The following KRT78 variants were observed in gnomAD, a reference collection of about 807,000 sequenced individuals.
The protein encoded by KRT78 is keratin, type II cytoskeletal 78.
A neutral mutation model predicts 51.4 loss-of-function variants in KRT78; 55 were observed. The observed-to-expected ratio is 1.07, with a 90% CI of 0.86 to 1.34. The LOEUF (loss-of-function observed/expected upper bound fraction) is 1.34, where lower values mean the gene tolerates loss of function less well. KRT78 is among the 40% of genes most tolerant of loss of function. The probability of loss-of-function intolerance (pLI) is 0.00; values close to 1 mark genes in which losing one functional copy is unlikely to be tolerated. For missense variants in KRT78, 652 were observed against 649.4 expected (o/e 1.00, Z -0.04); for synonymous variants, 291 against 264.3 (o/e 1.10, Z -0.98).
At chr12:52,846,660 T>C in intron 3 of KRT78, 104 bp downstream of exon 3, 1 of 1,023,730 alleles carries the variant, frequency 9.8e-7, no homozygotes, top group South Asian at 1.4e-5. Flanking sequence ...AGTGATAGCC[T>C]GTCCTAAATC....
chr12:52,848,275 ACT>A lies in KRT78; in HGVS notation c.385-156_385-155del, dbSNP rs1361218981. On this transcript the variant is annotated intron_variant, in intron 1 of 8. Coordinates refer to ENST00000304620, the MANE Select transcript of KRT78 (RefSeq NM_173352.4). ...GGGAAGCCTCATGACCTTCCATGACACTCTGAACACAACAAAATGACTGGACT... is the reference window on the plus strand; with the variant it reads ...GGGAAGCCTCATGACCTTCCATGACACTGAACACAACAAAATGACTGGACT... 10 of 1,538,544 alleles carry A rather than the reference ACT, an allele frequency of 6.5e-6. No individual in the cohort carries two copies. The East Asian group carries it at 9.8e-5, about 15-fold the overall frequency.
intron 4 of KRT78, chr12:52,845,863 G>T (rs993455335): frequency 5.1e-5 from 13 of 252,764 alleles, no homozygotes. Flanking sequence ...CTGAGGCAGA[G>T]AATTGCTTGA....
intron 4 of KRT78, among the ~76,000 whole-genome samples, chr12:52,844,942 T>A (rs573379396): frequency 2.6e-5 from 4 of 152,048 alleles, no homozygotes; most frequent in Non-Finnish European, 5.9e-5. Context: ...AGCTTGGACA[T>A]TAATGGAAAA....
chr12:52,840,900 T>C (rs1247646881), intron 6 of KRT78, among the ~76,000 whole-genome samples: 2 of 152,264 alleles, frequency 1.3e-5, no homozygotes, highest in African/African-American at 2.4e-5. Flanking sequence ...AGAGATTACA[T>C]TTCTGTTGTT....
Position 52,839,213 on chromosome 12 carries a change from A to C in KRT78, c.1463T>G (p.Leu488Trp). ...IILGSGKDPVLDSCSVSGSSA... is the reference protein window; with the variant it reads ...IILGSGKDPVWDSCSVSGSSA... ...GGAGCCAGACACAGAGCAGGAATCC[A>C]AAACAGGGTCCTTCCCAGAGCCCAG... Residue 488 changes from leucine (L) to tryptophan (W), a missense_variant, in exon 9 of 9, where the codon TTG becomes TGG. Leu to Trp is a moderately conservative substitution (Grantham distance 61, BLOSUM62 -2). Coordinates refer to ENST00000304620, the MANE Select transcript of KRT78 (RefSeq NM_173352.4). 1 of 1,612,612 alleles carries C rather than the reference A, an allele frequency of 6.2e-7. No homozygotes were observed. The highest frequency in any genetic ancestry group is 1.3e-5 in the African/African-American group (1 of 75,026).
chr12:52,839,971 T>A lies in KRT78; in HGVS notation c.1061A>T (p.Gln354Leu). 1.2e-6 allele frequency: 2 copies of A among 1,612,870 alleles called. No homozygotes were observed. The highest frequency in any genetic ancestry group is 1.7e-6 in the Non-Finnish European group (2 of 1,179,034). ...CTGCTCAGCATCAGTGATGGCGGCC[T>A]GCAGGCTGGCGTTCTGGAAGCGGGG... is the stretch of plus-strand genomic sequence containing the variant. ...ENLKKQNASL[Q>L]AAITDAEQRG... Residue 354 changes from glutamine to leucine, a missense_variant, in exon 7 of 9, where the codon CAG (glutamine) becomes CTG (leucine). Transcript: ENST00000304620.
At chr12:52,844,027 G>C in intron 6 of KRT78, 66 bp downstream of exon 6, 1 of 1,587,936 alleles carries the variant, frequency 6.3e-7, no homozygotes, top group Non-Finnish European at 8.6e-7. Flanking sequence ...GAGAAGCTAG[G>C]AACTGGGAAG....
At chr12:52,844,747 T>G (rs773931679) in intron 4 of KRT78, 24 bp from the exon 5 acceptor site, 5 of 1,589,528 alleles carry the variant, frequency 3.1e-6, no homozygotes, top group Non-Finnish European at 4.3e-6. Context: ...AGACTCAGTG[T>G]CCACTCACCC....
chr12:52,838,834 G>A lies in KRT78; in HGVS notation c.*279C>T, dbSNP rs890158156. ...TCCCTTGATAGAGTGGCTGGGATGTGGAGTGAGATACCAATAGAACACGTC... is the reference window on the plus strand; with the variant it reads ...TCCCTTGATAGAGTGGCTGGGATGTAGAGTGAGATACCAATAGAACACGTC... On this transcript the variant is annotated 3_prime_UTR_variant, in exon 9 of 9. Coordinates refer to ENST00000304620, the MANE Select transcript of KRT78 (RefSeq NM_173352.4). The A allele has an allele frequency of 4.1e-6, 2 of 482,236 alleles. No homozygotes were observed. Among genetic ancestry groups the A allele is most frequent in the African/African-American group, 3.9e-5 (2 of 51,682 alleles). The allele number at this position is 482,236 out of a possible 1,614,324, so 29.9% of individuals were successfully genotyped here.
Position 52,839,933 on chromosome 12 carries a change from C to A in KRT78, c.1099G>T (p.Ala367Ser), listed in dbSNP as rs202050757. 163 of 1,613,918 alleles carry A rather than the reference C, an allele frequency of 1.0e-4. No individual in the cohort carries two copies. The highest frequency in any genetic ancestry group is 1.1e-4 in the Non-Finnish European group (133 of 1,180,008). ...ACCTTGGCCTGAGCGTCCTTGAGGG[C>A]CAGCTCCCCACGCTGCTCAGCATCA... is the stretch of plus-strand genomic sequence containing the variant. ...ITDAEQRGEL[A>S]LKDAQAKVDE... Residue 367 changes from alanine to serine, a missense_variant, in exon 7 of 9, where the codon GCC becomes TCC. By Grantham distance (99) the Ala-to-Ser change is moderately conservative. Coordinates refer to ENST00000304620, the MANE Select transcript of KRT78 (RefSeq NM_173352.4).
At position 52,847,968 on chromosome 12, in the gene KRT78, G is replaced by A. The variant is rs781718302; in HGVS notation, c.538C>T (p.Arg180Ter). The A allele has an allele frequency of 8.1e-6, 13 of 1,614,014 alleles. No homozygotes were observed. The East Asian group carries it at 8.9e-5, about 11-fold the overall frequency. Residue 180 changes from arginine to a stop codon, truncating the protein, a stop_gained, in exon 2 of 9, where the codon CGA becomes TGA. Coordinates refer to ENST00000304620, the MANE Select transcript of KRT78 (RefSeq NM_173352.4). LOFTEE classifies it high-confidence loss of function. ...TTCAACTCAGCATCCAGAGCCCCTC[G>A]TTCTCCCTGGAGCTGCTCCAGCTGC... ...RKQLEQLQGERGALDAELKAC... is the reference protein window; with the variant it reads ...RKQLEQLQGE
chr12:52,847,839 C>G, intron 2 of KRT78, 68 bp downstream of exon 2: 2 of 1,430,112 alleles, frequency 1.4e-6, no homozygotes, highest in Non-Finnish European at 9.8e-7. Context: ...CACCTCCTGG[C>G]TGACAGACCC....
chr12:52,841,743 G>T (rs921490307), intron 6 of KRT78, among the ~76,000 whole-genome samples: 1 of 152,180 alleles, frequency 6.6e-6, no homozygotes, highest in Non-Finnish European at 1.5e-5. Flanking sequence ...GGCCTGCACA[G>T]GGGAGCCCAG....
chr12:52,846,163 CTT>C, intron 4 of KRT78, 32 bp downstream of exon 4: 1 of 1,504,716 alleles, frequency 6.6e-7, no homozygotes, highest in Non-Finnish European at 9.2e-7. Flanking sequence ...AGTCCTCTCT[CTT>C]GGCTGCAGCC....
At position 52,839,074 on chromosome 12, in the gene KRT78, G is replaced by T; in HGVS notation, c.*39C>A. On this transcript the variant is annotated 3_prime_UTR_variant, in exon 9 of 9. Coordinates refer to ENST00000304620, the MANE Select transcript of KRT78 (RefSeq NM_173352.4). Reference sequence around the variant, plus strand: ...GCAGAGCCGGCTGATGGGGGGAGTGGGCCAAATGTGTTCAGGAAGGAGGTG... The same window carrying T: ...GCAGAGCCGGCTGATGGGGGGAGTGTGCCAAATGTGTTCAGGAAGGAGGTG... 1 of 1,593,946 alleles carries T rather than the reference G, an allele frequency of 6.3e-7. No individual in the cohort carries two copies. The highest frequency in any genetic ancestry group is 1.1e-5 in the South Asian group (1 of 88,066).
chr12:52,839,511 G>A (rs746091011), intron 7 of KRT78, 24 bp from the exon 8 acceptor site: 6 of 1,563,278 alleles, frequency 3.8e-6, no homozygotes, highest in Admixed American at 3.8e-5. Context: ...GACAAGAGGG[G>A]GATGCGCTAA....
chr12:52,841,085 C>T (rs1391290743), intron 6 of KRT78, among the ~76,000 whole-genome samples: 1 of 152,168 alleles, frequency 6.6e-6, no homozygotes, highest in Non-Finnish European at 1.5e-5. Flanking sequence ...CAAGGCTCCC[C>T]CTGAGGGTCA....
rs778579195 is a variant in KRT78 at position 52,848,005 on chromosome 12, ATCCAGGCAGGCC to A, written c.489_500del (p.Glu163_Leu166del). The A allele has an allele frequency of 8.7e-6, 14 of 1,614,154 alleles. No homozygotes were observed. The highest frequency in any genetic ancestry group is 1.2e-5 in the Non-Finnish European group (14 of 1,180,008). The stretch of plus-strand genomic sequence containing the variant: ...GCTGCTCCAGCTGCTTCCTGAGCTG[ATCCAGGCAGGCC>A]TCAAAGACAGGCTCCAGGCCCTGCT... On this transcript the variant is annotated inframe_deletion, in exon 2 of 9. Transcript: ENST00000304620.
intron 6 of KRT78, among the ~76,000 whole-genome samples, chr12:52,843,447 T>C (rs1236759573): frequency 6.7e-6 from 1 of 150,196 alleles, no homozygotes; most frequent in Non-Finnish European, 1.5e-5. Flanking sequence ...CCTACCACTT[T>C]GGGAGGCCAA....
Sources: allele counts gnomAD v4.1 joint callset (sites outside exome capture counted in the v4.1 genomes callset), GRCh38; gene constraint gnomAD v4.1.1; transcripts MANE v1.5; gene names NCBI Gene and HGNC (gene_info 2026-07-23, HGNC 2026-07-21).